ARFGEF2: variants seen among roughly 807,000 people sequenced by gnomAD.
ARFGEF2 encodes the protein brefeldin A-inhibited guanine nucleotide-exchange protein 2.
Under a neutral mutation model 219.9 loss-of-function variants are expected in ARFGEF2, and 74 were observed. The observed-to-expected ratio is 0.34, with a 90% CI of 0.28 to 0.41. ARFGEF2 has a LOEUF of 0.41. Among genes scored for constraint, ARFGEF2 ranks in the 10% least tolerant of loss-of-function variants. The pLI is 1.00. For synonymous variants in ARFGEF2, 733 were observed against 799.2 expected, an observed-to-expected ratio of 0.92 and a Z score of 1.40; for missense variants, 1,743 against 2,218.3, an observed-to-expected ratio of 0.79 and a Z score of 4.30.
intron 26 of ARFGEF2, among the ~76,000 whole-genome samples, chr20:49,007,988 C>T (rs558638185): frequency 6.6e-6 from 1 of 152,124 alleles, no homozygotes; most frequent in South Asian, 2.1e-4. Context: ...TCACATGTTG[C>T]CAGGCACTCT....
At chr20:49,026,321 C>G (rs1223797201) in intron 36 of ARFGEF2, among the ~76,000 whole-genome samples, 1 of 151,496 alleles carries the variant, frequency 6.6e-6, no homozygotes, top group Non-Finnish European at 1.5e-5. Context: ...CAGGGGGAGA[C>G]CTTGTCTCAA....
At chr20:49,031,220 CTTTTTTTTTTTT>C (rs869105434) in intron 37 of ARFGEF2, among the ~76,000 whole-genome samples, 1 of 59,396 alleles carries the variant, frequency 1.7e-5, no homozygotes, top group Admixed American at 2.6e-4. Context: ...TGAGTTTGGA[CTTTTTTTTTTTT>C]TTTTTTTTTT....
chr20:49,032,045 C>T lies in ARFGEF2; in HGVS notation c.5064-4C>T. ...ATATGCCTCCCCCTCTCTAATTCTT[C>T]TAGTGTTTGCAGTGAAGCTCTTGCC... On this transcript the variant is annotated splice_region_variant and splice_polypyrimidine_tract_variant and intron_variant, in intron 37 of 38. Coordinates refer to ENST00000371917, the MANE Select transcript of ARFGEF2 (RefSeq NM_006420.3). 6.2e-7 allele frequency: 1 copy of T among 1,606,114 alleles called. No individual in the cohort carries two copies. The highest frequency in any genetic ancestry group is 1.1e-5 in the South Asian group (1 of 90,896).
chr20:48,954,788 G>A (rs549644741), intron 6 of ARFGEF2, among the ~76,000 whole-genome samples: 2 of 152,028 alleles, frequency 1.3e-5, no homozygotes, highest in Non-Finnish European at 2.9e-5. Flanking sequence ...GGGTGAGCAC[G>A]GAGTTGCCTT....
intron 6 of ARFGEF2, among the ~76,000 whole-genome samples, chr20:48,963,068 C>A (rs2091163846): frequency 6.7e-6 from 1 of 150,284 alleles, no homozygotes; most frequent in Non-Finnish European, 1.5e-5. Context: ...ATTAGCCGGG[C>A]GTGGTGAGGA....
intron 25 of ARFGEF2, among the ~76,000 whole-genome samples, chr20:48,998,784 A>ATCTGATGCTTGG (rs1287896195): frequency 6.6e-6 from 1 of 152,200 alleles, no homozygotes; most frequent in Non-Finnish European, 1.5e-5. Flanking sequence ...GCCACTAGAC[A>ATCTGATGCTTGG]AATACACTGA....
chr20:49,018,917 A>G lies in ARFGEF2; in HGVS notation c.4543A>G (p.Ile1515Val), dbSNP rs2091547099. 2 of 1,614,098 alleles carry G rather than the reference A, an allele frequency of 1.2e-6. No individual in the cohort carries two copies. Among genetic ancestry groups the G allele is most frequent in the Non-Finnish European group, 1.7e-6 (2 of 1,179,958 alleles). Residue 1515 changes from isoleucine to valine, a missense_variant, in exon 34 of 39, where the codon ATA becomes GTA. Ile to Val is a conservative substitution (Grantham distance 29). Around this residue, in one of 5 missense-constraint regions of ARFGEF2, gnomAD observed 578 missense variants for 664.0 expected, o/e 0.87. Coordinates refer to ENST00000371917, the MANE Select transcript of ARFGEF2 (RefSeq NM_006420.3). Reference sequence around the variant, plus strand: ...TCTGGACCGCCAGTCTTTAAGCAGCATAGATAAAAATCCCTCTGAGAGGGG... The same window carrying G: ...TCTGGACCGCCAGTCTTTAAGCAGCGTAGATAAAAATCCCTCTGAGAGGGG... Reference protein sequence around the residue: ...VDLDRQSLSSIDKNPSERGQS... With the variant: ...VDLDRQSLSSVDKNPSERGQS...
intron 13 of ARFGEF2, among the ~76,000 whole-genome samples, chr20:48,975,704 G>A (rs990052808): frequency 2.7e-5 from 4 of 150,476 alleles, no homozygotes; most frequent in African/African-American, 2.5e-5. Context: ...TGGAGGCTGA[G>A]GCAGGAGAAC....
At chr20:49,024,978 A>G (rs1348407154) in intron 35 of ARFGEF2, among the ~76,000 whole-genome samples, 1 of 152,228 alleles carries the variant, frequency 6.6e-6, no homozygotes, top group East Asian at 1.9e-4. Context: ...CCTGGGCGAC[A>G]GAAACTCTTG....
intron 1 of ARFGEF2, among the ~76,000 whole-genome samples, chr20:48,935,897 G>A (rs1365967906): frequency 2.0e-4 from 27 of 134,704 alleles, no homozygotes; most frequent in Admixed American, 1.7e-3. Context: ...AGGGGCGGCC[G>A]GGCAGAGGCA....
At chr20:48,933,406 C>T (rs1421861429) in intron 1 of ARFGEF2, among the ~76,000 whole-genome samples, 1 of 150,292 alleles carries the variant, frequency 6.7e-6, no homozygotes, top group African/African-American at 2.5e-5. Flanking sequence ...GATGGCTTAA[C>T]CTCCCTGTGC....
intron 36 of ARFGEF2, 95 bp from the exon 37 acceptor site, chr20:49,028,435 T>C (rs1484892778): frequency 1.1e-5 from 15 of 1,376,744 alleles, no homozygotes; most frequent in African/African-American, 3.0e-5. Flanking sequence ...AAACAGATGT[T>C]TCATATTTCA....
intron 6 of ARFGEF2, among the ~76,000 whole-genome samples, chr20:48,960,913 C>T (rs2091145298): frequency 6.6e-6 from 1 of 151,294 alleles, no homozygotes; most frequent in Admixed American, 6.6e-5. Flanking sequence ...AACCCCTTCT[C>T]TACTAAAAAT....
chr20:48,952,148 C>CTTTTT (rs11475141), intron 4 of ARFGEF2, among the ~76,000 whole-genome samples: 7 of 55,492 alleles, frequency 1.3e-4, no homozygotes, highest in African/African-American at 3.8e-4. Flanking sequence ...GAAGTTTGGC[C>CTTTTT]TTTTTTTTTT....
In ARFGEF2 at chr20:48,939,843, A is replaced by AT. The variant is rs545056073; in HGVS notation, c.122-1353dup. On this transcript the variant is annotated intron_variant, in intron 1 of 38. Coordinates refer to ENST00000371917, the MANE Select transcript of ARFGEF2 (RefSeq NM_006420.3). ...GAATGGAGTTACCTAAGAAAAGGAA[A>AT]TTTGCAGCCTTCAGTACCGTGTCCT... 4.6e-5 allele frequency among the ~76,000 whole-genome samples: 7 copies of AT among 152,312 alleles called. No homozygotes were observed. In the East Asian group the frequency reaches 7.7e-4, roughly 17 times the overall value.
At chr20:48,985,254 T>A (rs548475773) in intron 15 of ARFGEF2, among the ~76,000 whole-genome samples, 154 bp from the exon 16 acceptor site, 2 of 16,760 alleles carry the variant, frequency 1.2e-4, no homozygotes, top group African/African-American at 5.1e-4. Flanking sequence ...GGTGGGTGGG[T>A]GGGCAGGTCA....
At chr20:48,960,937 G>A (rs1488033357) in intron 6 of ARFGEF2, among the ~76,000 whole-genome samples, 2 of 151,284 alleles carry the variant, frequency 1.3e-5, no homozygotes, top group East Asian at 3.9e-4. Context: ...AAAATTAGCT[G>A]GGCATGGTGG....
At chr20:48,950,805 A>ATAT (rs1308187494) in intron 3 of ARFGEF2, among the ~76,000 whole-genome samples, 12 of 40,198 alleles carry the variant, frequency 3.0e-4, no homozygotes, top group Non-Finnish European at 3.9e-4. Context: ...AAAAAAAAAA[A>ATAT]AAAAAAATAT....
chr20:48,985,355 CT>C, intron 15 of ARFGEF2, 52 bp from the exon 16 acceptor site: 2 of 1,594,810 alleles, frequency 1.3e-6, no homozygotes, highest in Middle Eastern at 3.3e-4. Flanking sequence ...CTGGCTTTTG[CT>C]GAGGGTTCGT....
Sources: gnomAD v4.1 joint callset for allele counts (sites outside exome capture counted in the v4.1 genomes callset) on GRCh38, gnomAD v4.1.1 for gene constraint, gnomAD v4.1.1 regional missense constraint, MANE v1.5 for transcripts, NCBI Gene and HGNC (gene_info 2026-07-23, HGNC 2026-07-21) for gene names.